The following SEMA3A variants were observed in gnomAD, a reference collection of about 807,000 sequenced individuals.
SEMA3A encodes the protein semaphorin-3A.
Under a neutral mutation model 97.9 loss-of-function variants are expected in SEMA3A, and 29 were observed. The observed-to-expected ratio is 0.30, with a 90% CI of 0.22 to 0.40. The LOEUF is 0.40. Among genes scored for constraint, SEMA3A ranks in the 10% least tolerant of loss-of-function variants. The pLI, the probability that SEMA3A is intolerant of heterozygous loss-of-function variation, is 1.00. For missense variants in SEMA3A, 763 were observed against 951.3 expected (o/e 0.80, Z 2.60); for synonymous variants, 321 against 323.7 (o/e 0.99, Z 0.09).
At chr7:84,131,765 A>G (rs954946552) in intron 2 of SEMA3A, among the ~76,000 whole-genome samples, 8 of 133,918 alleles carry the variant, frequency 6.0e-5, no homozygotes, top group African/African-American at 2.3e-4. Flanking sequence ...ATATATGTAT[A>G]AACAAATTAT....
intron 3 of SEMA3A, among the ~76,000 whole-genome samples, chr7:84,111,607 A>C (rs537988804): frequency 2.0e-5 from 3 of 152,322 alleles, no homozygotes; most frequent in African/African-American, 7.2e-5. Context: ...TGACCCTAAA[A>C]TACATTGCCC....
At chr7:84,270,477 G>A (rs1393952498) in intron 3 of SEMA3A, among the ~76,000 whole-genome samples, 1 of 149,708 alleles carries the variant, frequency 6.7e-6, no homozygotes, top group Non-Finnish European at 1.5e-5. Flanking sequence ...ATCAGCCTTT[G>A]GCAATAATAT....
chr7:84,245,167 A>C (rs910491136), intron 3 of SEMA3A, among the ~76,000 whole-genome samples: 6 of 152,088 alleles, frequency 3.9e-5, no homozygotes, highest in African/African-American at 1.4e-4. Flanking sequence ...CTCCTGGATA[A>C]ATATCCTGAA....
At chr7:84,178,579 C>T (rs1337804806) in intron 1 of SEMA3A, among the ~76,000 whole-genome samples, 1 of 152,066 alleles carries the variant, frequency 6.6e-6, no homozygotes, top group Admixed American at 6.6e-5. Flanking sequence ...ATTCCTAAAA[C>T]CAAGCTGTTA....
chr7:84,434,071 G>C (rs563302553), intron 1 of SEMA3A, among the ~76,000 whole-genome samples: 18 of 152,102 alleles, frequency 1.2e-4, no homozygotes, highest in Admixed American at 3.9e-4. Context: ...AAGATCTTTA[G>C]TTTAATCAGA....
chr7:84,449,540 T>C (rs1227618839), intron 1 of SEMA3A, among the ~76,000 whole-genome samples: 2 of 152,258 alleles, frequency 1.3e-5, no homozygotes, highest in African/African-American at 4.8e-5. Flanking sequence ...ATAGTGAACA[T>C]TGTTATTCAA....
intron 3 of SEMA3A, among the ~76,000 whole-genome samples, chr7:84,225,276 A>T (rs986854971): frequency 6.6e-6 from 1 of 152,128 alleles, no homozygotes; most frequent in Admixed American, 6.6e-5. Context: ...AACAGCATGT[A>T]ATTCAATAAT....
At chr7:83,974,429 T>C (rs1789053780) in intron 15 of SEMA3A, among the ~76,000 whole-genome samples, 1 of 152,212 alleles carries the variant, frequency 6.6e-6, no homozygotes, top group Admixed American at 6.5e-5. Context: ...TTACAGAATA[T>C]GTTTACCATT....
intron 1 of SEMA3A, among the ~76,000 whole-genome samples, chr7:84,158,675 T>C (rs1178851947): frequency 1.3e-5 from 2 of 152,192 alleles, no homozygotes; most frequent in African/African-American, 4.8e-5. Context: ...GCACAGCCTG[T>C]ACCTAACACA....
chr7:84,467,232 C>T (rs140847297), intron 1 of SEMA3A, among the ~76,000 whole-genome samples: 2 of 151,994 alleles, frequency 1.3e-5, no homozygotes, highest in Non-Finnish European at 1.5e-5. Context: ...AAGTAGAAAT[C>T]AATTCCAGGG....
intron 6 of SEMA3A, among the ~76,000 whole-genome samples, chr7:84,043,607 G>A (rs922734707): frequency 1.3e-5 from 2 of 152,080 alleles, no homozygotes; most frequent in Non-Finnish European, 2.9e-5. Flanking sequence ...TTTATTTTAT[G>A]CATGAATGTG....
At chr7:84,378,722 A>G (rs1461560576) in intron 1 of SEMA3A, among the ~76,000 whole-genome samples, 1 of 151,962 alleles carries the variant, frequency 6.6e-6, no homozygotes, top group Middle Eastern at 3.2e-3. Flanking sequence ...AAAAAAGAAT[A>G]TATATATATA....
At chr7:84,202,357 A>G (rs953038200) in intron 3 of SEMA3A, among the ~76,000 whole-genome samples, 1 of 152,180 alleles carries the variant, frequency 6.6e-6, no homozygotes, top group African/African-American at 2.4e-5. Context: ...TTTATTGTCA[A>G]TTTTAAAAAT....
intron 1 of SEMA3A, among the ~76,000 whole-genome samples, chr7:84,150,745 A>C (rs528711619): frequency 0.026 from 3,961 of 152,028 alleles, 179 homozygotes; most frequent in African/African-American, 0.09. Context: ...ACCACAGCTC[A>C]AGGAGGCCTG....
At chr7:84,260,759 T>G (rs1204335791) in intron 3 of SEMA3A, among the ~76,000 whole-genome samples, 1 of 152,144 alleles carries the variant, frequency 6.6e-6, no homozygotes, top group African/African-American at 2.4e-5. Context: ...GGCATAGGCC[T>G]TCAGGCAACC....
chr7:83,968,804 C>CTTT (rs34837012), intron 15 of SEMA3A, among the ~76,000 whole-genome samples: 85 of 86,942 alleles, frequency 9.8e-4, no homozygotes, highest in African/African-American at 1.2e-3. Context: ...CTTTTCTTTC[C>CTTT]TTTTTTTTTT....
At chr7:84,013,239 G>T (rs17158505) in intron 7 of SEMA3A, among the ~76,000 whole-genome samples, 18,305 of 152,074 alleles carry the variant, frequency 0.12, 1,275 homozygotes, top group East Asian at 0.24. Context: ...TACTGCACTA[G>T]GCACCGTAGA....
intron 4 of SEMA3A, among the ~76,000 whole-genome samples, chr7:84,083,626 C>T (rs1157073559): frequency 6.6e-6 from 1 of 151,976 alleles, no homozygotes; most frequent in Admixed American, 6.6e-5. Context: ...TCTTCCTAGC[C>T]TCTGGTAACC....
upstream of SEMA3A, chr7:84,195,471 A>G (rs995918421): frequency 3.3e-5 from 5 of 151,606 alleles, no homozygotes; most frequent in African/African-American, 1.2e-4. Context: ...TCATCAATAC[A>G]ACTTTAACCA....
Sources: allele counts gnomAD v4.1 joint callset (sites outside exome capture counted in the v4.1 genomes callset), GRCh38; gene constraint gnomAD v4.1.1; transcripts MANE v1.5; gene names NCBI Gene and HGNC (gene_info 2026-07-23, HGNC 2026-07-21).